The following CEP350 variants were observed in gnomAD, a reference collection of about 807,000 sequenced individuals.
CEP350 encodes the protein centrosomal protein 350, also known as centrosome-associated protein 350.
In CEP350, 126 loss-of-function variants were observed where a neutral mutation model predicts 331.8. That is an observed-to-expected ratio of 0.38 (90% CI 0.33 to 0.44). The LOEUF is 0.44. Ranked by LOEUF, CEP350 falls within the 20% of genes least tolerant of loss-of-function variation. The pLI is 1.00. For synonymous variants in CEP350, 1,200 were observed against 1,259.5 expected (o/e 0.95, Z 1.00); for missense variants, 3,406 against 3,634.6 (o/e 0.94, Z 1.62).
intron 37 of CEP350, among the ~76,000 whole-genome samples, chr1:180,103,849 A>G (rs945269272): frequency 1.3e-5 from 2 of 151,186 alleles, no homozygotes; most frequent in Non-Finnish European, 2.9e-5. Context: ...TTAAATCACT[A>G]TTTGTTACTT....
Position 180,019,934 on chromosome 1 carries a change from G to A in CEP350, c.2175-15G>A. 1 of 1,553,822 alleles carries A rather than the reference G, an allele frequency of 6.4e-7. No individual in the cohort carries two copies. On this transcript the variant is annotated splice_polypyrimidine_tract_variant and intron_variant, in intron 11 of 37. Transcript: ENST00000367607. The stretch of plus-strand genomic sequence containing the variant: ...GTGGTTTAGTTAACTAACATATTGT[G>A]ACTTTCATTTCCAGAAAAGACTTGA...
At chr1:180,044,333 G>A (rs1280659197) in intron 21 of CEP350, among the ~76,000 whole-genome samples, 160 bp downstream of exon 21, 1 of 152,062 alleles carries the variant, frequency 6.6e-6, no homozygotes, top group African/African-American at 2.4e-5. Context: ...CAAAATAGTT[G>A]GTCCATGTAA....
chr1:180,041,495 A>G (rs1656755537), intron 18 of CEP350, among the ~76,000 whole-genome samples, 167 bp from the exon 19 acceptor site: 1 of 152,220 alleles, frequency 6.6e-6, no homozygotes, highest in Non-Finnish European at 1.5e-5. Flanking sequence ...ATCCACAGAT[A>G]CAGTAACTTG....
At chr1:180,053,363 G>GAT (rs1657626610) in intron 23 of CEP350, among the ~76,000 whole-genome samples, 197 bp downstream of exon 23, 1 of 152,164 alleles carries the variant, frequency 6.6e-6, no homozygotes. Flanking sequence ...TTTTTGGAAT[G>GAT]ATATATAAGG....
rs1181726396 is a variant in CEP350, at chr1:180,024,553, G to A, written c.3521G>A (p.Gly1174Glu). 6.2e-7 allele frequency: 1 copy of A among 1,611,598 alleles called. No individual in the cohort carries two copies. Among genetic ancestry groups the A allele is most frequent in the Non-Finnish European group, 8.5e-7 (1 of 1,179,032 alleles). ...ASSRSSTSSK[G>E]KKGKKEKTEW... ...TCTCGTTCATCTACTTCTTCTAAAG[G>A]AAAGAAAGGAAAAAAGGAAAAGACA... The change falls in exon 14 of 38, where the codon GGA (glycine) becomes GAA (glutamate). Residue 1174 changes from glycine to glutamate, a missense_variant. Physicochemically the swap from Gly to Glu is moderately conservative, Grantham distance 98. Around this residue, in one of 5 missense-constraint regions of CEP350, gnomAD observed 1,857 missense variants for 1,909.2 expected, o/e 0.97. Coordinates refer to ENST00000367607, the MANE Select transcript of CEP350 (RefSeq NM_014810.5).
rs370144436 is a variant in CEP350, at chr1:180,084,077, C to A, written c.6184C>A (p.Arg2062=). The A allele has an allele frequency of 1.9e-5, 31 of 1,599,378 alleles. No homozygotes were observed. The highest frequency in any genetic ancestry group is 2.6e-5 in the Non-Finnish European group (30 of 1,172,426). ...GATCAGAGCTCTGAAGGATGAGTTG[C>A]GGAAAAGAAAATCAGTTGTGAACCA... is the stretch of plus-strand genomic sequence containing the variant. ...GRIRALKDEL[R]KRKSVVNQLK... The change falls in exon 31 of 38, where the codon CGG becomes AGG. Residue 2062 remains arginine (R), a synonymous_variant. Transcript: ENST00000367607.
At position 179,982,402 on chromosome 1, in the gene CEP350, G is replaced by T. The variant is rs1043708527; in HGVS notation, c.-13-3767G>T. On this transcript the variant is annotated intron_variant, in intron 1 of 37. Coordinates refer to ENST00000367607, the MANE Select transcript of CEP350 (RefSeq NM_014810.5). ...TAATTCATTCTCATTATTAGTGGGGGATACTCTACAGTATGAAGTTTTACA... is the reference window on the plus strand; with the variant it reads ...TAATTCATTCTCATTATTAGTGGGGTATACTCTACAGTATGAAGTTTTACA... Among the ~76,000 whole-genome samples the T allele has an allele frequency of 2.6e-5, 4 of 152,144 alleles. No individual in the cohort carries two copies. In the East Asian group the frequency reaches 7.7e-4, roughly 29 times the overall value.
rs1266015893 is a variant in CEP350 at position 180,073,176 on chromosome 1, TATTA to T, written c.5568-1840_5568-1837del. Among the ~76,000 whole-genome samples, 3 of 152,314 alleles carry T rather than the reference TATTA, an allele frequency of 2.0e-5. No individual in the cohort carries two copies. The East Asian group carries it at 5.8e-4, about 29-fold the overall frequency. ...TAGAATGGATAGTGTATTTCAATAT[TATTA>T]ATTAAGTGGGCCTTTGTTAGATATA... is the stretch of plus-strand genomic sequence containing the variant. On this transcript the variant is annotated intron_variant, in intron 27 of 37. Transcript: ENST00000367607.
intron 1 of CEP350, chr1:179,969,338 C>T: frequency 2.0e-6 from 1 of 512,178 alleles, no homozygotes; most frequent in Admixed American, 2.0e-5. Flanking sequence ...TGTGTCAGCT[C>T]TGGAGTTTAA....
intron 12 of CEP350, among the ~76,000 whole-genome samples, chr1:180,021,990 A>G (rs954890939): frequency 2.0e-5 from 3 of 152,132 alleles, no homozygotes; most frequent in African/African-American, 7.2e-5. Context: ...ATTTTATACT[A>G]ACATTATCTT....
At chr1:180,004,595 CCT>C (rs1318023948) in intron 7 of CEP350, among the ~76,000 whole-genome samples, 10 of 152,158 alleles carry the variant, frequency 6.6e-5, no homozygotes, top group Non-Finnish European at 1.0e-4. Context: ...CAATTTGTCT[CCT>C]CTCTTTCTCT....
At chr1:179,967,109 A>T (rs1357832810) in intron 1 of CEP350, among the ~76,000 whole-genome samples, 1 of 152,208 alleles carries the variant, frequency 6.6e-6, no homozygotes, top group East Asian at 1.9e-4. Context: ...TATACAATAG[A>T]TCATCTCTGA....
Position 180,043,121 on chromosome 1 carries a change from A to G in CEP350, c.4428A>G (p.Ile1476Met), listed in dbSNP as rs1212253463. The change falls in exon 20 of 38, where the codon ATA becomes ATG. Residue 1476 changes from isoleucine to methionine, a missense_variant. Physicochemically the swap from Ile to Met is conservative, Grantham distance 10. Around this residue, in one of 5 missense-constraint regions of CEP350, gnomAD observed 1,857 missense variants for 1,909.2 expected, o/e 0.97. Transcript: ENST00000367607. ...TGGCTTCAGGAGCTCCCCTTGCAAT[A>G]CTGTATGACCACCAACGGCAGCACC... ...AVVASGAPLAILYDHQRQHLP... is the reference protein window; with the variant it reads ...AVVASGAPLAMLYDHQRQHLP... The G allele has an allele frequency of 2.5e-6, 4 of 1,613,714 alleles. No individual in the cohort carries two copies. In the African/African-American group the frequency reaches 4.0e-5, roughly 16 times the overall value.
chr1:180,055,931 A>T (rs931724232), intron 25 of CEP350, among the ~76,000 whole-genome samples: 21 of 152,158 alleles, frequency 1.4e-4, no homozygotes, highest in African/African-American at 7.2e-5. Context: ...CTTAGTTAAA[A>T]TAAGTAAATA....
rs1655772609 is a variant in CEP350, at chr1:180,027,706, T to C, written c.3550+3124T>C. ...GGCTTGTTATTTGAATATATTATAA[T>C]TTATTTAACTCTTTCCCCATTGCTG... is the stretch of plus-strand genomic sequence containing the variant. On this transcript the variant is annotated intron_variant, in intron 14 of 37. Coordinates refer to ENST00000367607, the MANE Select transcript of CEP350 (RefSeq NM_014810.5). Among the ~76,000 whole-genome samples the C allele has an allele frequency of 2.0e-5, 3 of 152,336 alleles. No homozygotes were observed. The South Asian group carries it at 6.2e-4, about 32-fold the overall frequency.
chr1:180,057,538 G>A (rs755655860), intron 25 of CEP350, among the ~76,000 whole-genome samples: 34 of 145,726 alleles, frequency 2.3e-4, no homozygotes, highest in Non-Finnish European at 3.3e-4. Context: ...TTAAACTATC[G>A]TATGGCCCCT....
chr1:180,065,526 A>G (rs1246297792), intron 27 of CEP350, among the ~76,000 whole-genome samples: 1 of 152,120 alleles, frequency 6.6e-6, no homozygotes, highest in Non-Finnish European at 1.5e-5. Flanking sequence ...TCACACCTAT[A>G]ATCCCAGCAC....
In CEP350 at chr1:180,075,173, C is replaced by T; in HGVS notation, c.5719C>T (p.Pro1907Ser). 1 of 1,613,260 alleles carries T rather than the reference C, an allele frequency of 6.2e-7. No homozygotes were observed. The highest frequency in any genetic ancestry group is 8.5e-7 in the Non-Finnish European group (1 of 1,179,600). The change falls in exon 28 of 38, where the codon CCC becomes TCC. Residue 1907 changes from proline (P) to serine (S), a missense_variant. Pro to Ser is a moderately conservative substitution (Grantham distance 74). Around this residue, in one of 5 missense-constraint regions of CEP350, gnomAD observed 1,415 missense variants for 1,512.3 expected, o/e 0.94. Coordinates refer to ENST00000367607, the MANE Select transcript of CEP350 (RefSeq NM_014810.5). ...LAAWDKELIK[P>S]KTPKKELEDQ... ...TGCCTGGGACAAAGAATTAATAAAA[C>T]CCAAAACTCCTAAGAAAGAACTGGA...
intron 22 of CEP350, chr1:180,052,141 G>A (rs545927205): frequency 2.2e-6 from 1 of 447,358 alleles, no homozygotes; most frequent in African/African-American, 2.0e-5. Flanking sequence ...TCTGTCCACT[G>A]AGCAAGTGCA....
Sources: gnomAD v4.1 joint callset for allele counts (sites outside exome capture counted in the v4.1 genomes callset) on GRCh38, gnomAD v4.1.1 for gene constraint, gnomAD v4.1.1 regional missense constraint, MANE v1.5 for transcripts, NCBI Gene and HGNC (gene_info 2026-07-23, HGNC 2026-07-21) for gene names.